CELF2: variants seen among roughly 807,000 people sequenced by gnomAD.
CELF2 encodes CUGBP Elav-like family member 2, also known as CUG triplet repeat RNA-binding protein 2.
Under a neutral mutation model 62.6 loss-of-function variants are expected in CELF2, and 8 were observed. The observed-to-expected ratio is 0.13, with a 90% CI of 0.07 to 0.23. The LOEUF (loss-of-function observed/expected upper bound fraction) is 0.23. Ranked by LOEUF, CELF2 falls within the 10% of genes least tolerant of loss-of-function variation. The pLI is 1.00. For synonymous variants in CELF2, 258 were observed against 250.0 expected, an observed-to-expected ratio of 1.03 and a Z score of -0.30; for missense variants, 333 against 671.0, an observed-to-expected ratio of 0.50 and a Z score of 5.56.
chr10:10,668,521 T>C, the CELF2 span, among the ~76,000 whole-genome samples: 6 of 152,228 alleles, frequency 3.9e-5, no homozygotes, highest in African/African-American at 1.4e-4. Flanking sequence ...ATACAACATA[T>C]ATGTTTCCCA....
the CELF2 span, among the ~76,000 whole-genome samples, chr10:10,481,944 C>T: frequency 6.6e-6 from 1 of 152,306 alleles, no homozygotes; most frequent in South Asian, 2.1e-4. Context: ...AAAGTTATTT[C>T]TAGCAATGCA....
chr10:10,558,742 C>G, the CELF2 span, among the ~76,000 whole-genome samples: 1 of 152,150 alleles, frequency 6.6e-6, no homozygotes, highest in Non-Finnish European at 1.5e-5. Flanking sequence ...AGAGATTCAA[C>G]TTCTTCGTGG....
rs577077492 is a variant in CELF2 at position 11,247,090 on chromosome 10, T to C, written c.355-2063T>C. 2.9e-4 allele frequency among the ~76,000 whole-genome samples: 44 copies of C among 152,354 alleles called. No individual in the cohort carries two copies. Among genetic ancestry groups the C allele is most frequent in the Admixed American group, 2.7e-3 (41 of 15,308 alleles). On this transcript the variant is annotated intron_variant, in intron 3 of 12. Coordinates refer to ENST00000633077, the MANE Select transcript of CELF2 (RefSeq NM_001326342.2). This position sits in a 1 kb window ranked among gnomAD's most constrained non-coding sequence, Gnocchi z 5.4. Reference sequence around the variant, plus strand: ...TGTTCCCTGGCCTGCGGCAGCAGCCTCTTAACTGTCCTCCCTGCCTGTGTC... The same window carrying C: ...TGTTCCCTGGCCTGCGGCAGCAGCCCCTTAACTGTCCTCCCTGCCTGTGTC...
chr10:11,091,647 C>G (rs560278013), intron 1 of CELF2, among the ~76,000 whole-genome samples: 1 of 152,124 alleles, frequency 6.6e-6, no homozygotes, highest in Non-Finnish European at 1.5e-5. Flanking sequence ...AAGATGGAGG[C>G]GAACCCGAAT....
At chr10:10,732,242 A>G in the CELF2 span, among the ~76,000 whole-genome samples, 7 of 152,256 alleles carry the variant, frequency 4.6e-5, no homozygotes, top group Admixed American at 4.6e-4. Context: ...TTTTAATAGT[A>G]AAAAAACACA....
At chr10:11,320,826 GTTT>G (rs35548374) in intron 10 of CELF2, 2,461 of 1,374,054 alleles carry the variant, frequency 1.8e-3, no homozygotes, top group Admixed American at 2.6e-3. Context: ...TGCTACTAAG[GTTT>G]TTTTTTTTTT....
chr10:11,150,774 G>C (rs566812196), intron 1 of CELF2, among the ~76,000 whole-genome samples: 4 of 152,176 alleles, frequency 2.6e-5, no homozygotes, highest in Non-Finnish European at 5.9e-5. Flanking sequence ...TGGAGCTCCC[G>C]TCTCTCCAAT....
the CELF2 span, among the ~76,000 whole-genome samples, chr10:10,650,667 C>G: frequency 6.6e-6 from 1 of 152,148 alleles, no homozygotes; most frequent in African/African-American, 2.4e-5. Context: ...ATGAAAAAGA[C>G]AGAAAATAAG....
chr10:11,179,325 T>C (rs1009127677), intron 2 of CELF2, among the ~76,000 whole-genome samples: 3 of 152,188 alleles, frequency 2.0e-5, no homozygotes, highest in Admixed American at 6.5e-5. Flanking sequence ...GAAAATCTTT[T>C]AGAATTTATG....
chr10:11,298,282 C>G (rs1244916293), intron 9 of CELF2, among the ~76,000 whole-genome samples: 1 of 152,244 alleles, frequency 6.6e-6, no homozygotes, highest in Non-Finnish European at 1.5e-5. Flanking sequence ...CAGCAGCACC[C>G]TGGCCTTGTG....
At chr10:10,899,029 T>C (rs1027314319) in intron 1 of CELF2, among the ~76,000 whole-genome samples, 1 of 152,206 alleles carries the variant, frequency 6.6e-6, no homozygotes, top group African/African-American at 2.4e-5. Context: ...TAGAAAGTAT[T>C]TTAACTGAAT....
chr10:11,113,456 C>CA (rs1277063363), intron 1 of CELF2, among the ~76,000 whole-genome samples: 1 of 152,106 alleles, frequency 6.6e-6, no homozygotes, highest in Non-Finnish European at 1.5e-5. Flanking sequence ...AGAAACATAT[C>CA]AGAGGGTGGA....
chr10:11,262,708 A>G (rs2081029435), intron 5 of CELF2, among the ~76,000 whole-genome samples: 1 of 152,206 alleles, frequency 6.6e-6, no homozygotes, highest in African/African-American at 2.4e-5. Flanking sequence ...TTGATAGCGT[A>G]TGTTTAACGT....
the CELF2 span, among the ~76,000 whole-genome samples, chr10:10,742,355 G>A: frequency 1.3e-5 from 2 of 152,110 alleles, no homozygotes; most frequent in African/African-American, 4.8e-5. Flanking sequence ...TTGGGTGAGT[G>A]CTGTGGTTCA....
chr10:10,791,961 G>C, the CELF2 span, among the ~76,000 whole-genome samples: 42 of 147,978 alleles, frequency 2.8e-4, no homozygotes, highest in South Asian at 1.3e-3. Context: ...AAGGAGAGAA[G>C]GAGGAAGGGA....
the CELF2 span, among the ~76,000 whole-genome samples, chr10:10,736,396 C>CTTTATTTCTTTTTTTTTT: frequency 1.3e-5 from 1 of 75,992 alleles, no homozygotes; most frequent in African/African-American, 5.0e-5. Context: ...TTCTTTCTTT[C>CTTTATTTCTTTTTTTTTT]TTTTTTTTTT....
the CELF2 span, among the ~76,000 whole-genome samples, chr10:10,577,010 A>G: frequency 1.3e-5 from 2 of 152,332 alleles, no homozygotes; most frequent in South Asian, 4.1e-4. Context: ...CTAATCACAC[A>G]AAGGGGAATG....
chr10:10,907,766 A>T (rs761191060), intron 1 of CELF2, among the ~76,000 whole-genome samples: 2 of 152,292 alleles, frequency 1.3e-5, no homozygotes, highest in Middle Eastern at 3.4e-3. Context: ...CAGAAAAAAG[A>T]CGTATTGGAG....
At chr10:10,811,055 A>G (rs1459652165) in intron 1 of CELF2, among the ~76,000 whole-genome samples, 1 of 152,148 alleles carries the variant, frequency 6.6e-6, no homozygotes, top group Non-Finnish European at 1.5e-5. Flanking sequence ...CTGTGCTCCT[A>G]CAGACATGTG....
Sources: gnomAD v4.1 joint callset for allele counts (sites outside exome capture counted in the v4.1 genomes callset) on GRCh38, gnomAD v4.1.1 for gene constraint, Gnocchi (gnomAD v3.1) non-coding constraint, MANE v1.5 for transcripts, NCBI Gene and HGNC (gene_info 2026-07-23, HGNC 2026-07-21) for gene names.